Variants in CTNNA3 observed in about 807,000 individuals in gnomAD.
CTNNA3 encodes the protein catenin alpha 3, also known as catenin alpha-3.
In CTNNA3, 76 loss-of-function variants were observed where a neutral mutation model predicts 95.7. The observed-to-expected ratio is 0.79, with a 90% CI of 0.66 to 0.96. CTNNA3 has a LOEUF of 0.96. Among genes scored for constraint, CTNNA3 ranks in the 40% least tolerant of loss-of-function variants. The pLI, the probability that CTNNA3 is intolerant of heterozygous loss-of-function variation, is 0.00. For missense variants in CTNNA3, 1,191 were observed against 1,089.8 expected (o/e 1.09, Z -1.31); for synonymous variants, 431 against 374.4 (o/e 1.15, Z -1.74).
chr10:66,708,724 G>T (rs1848198752), intron 9 of CTNNA3, among the ~76,000 whole-genome samples: 1 of 151,996 alleles, frequency 6.6e-6, no homozygotes, highest in African/African-American at 2.4e-5. Context: ...AGCCAAAAGA[G>T]ACCTCAAAGT....
intron 1 of CTNNA3, among the ~76,000 whole-genome samples, chr10:67,666,319 G>A (rs1185624959): frequency 6.6e-6 from 1 of 152,070 alleles, no homozygotes; most frequent in Non-Finnish European, 1.5e-5. Flanking sequence ...TTGTTATTGA[G>A]GATAGGGGCC....
intron 1 of CTNNA3, among the ~76,000 whole-genome samples, chr10:67,701,866 G>T (rs1325241776): frequency 6.6e-6 from 1 of 152,058 alleles, no homozygotes; most frequent in African/African-American, 2.4e-5. Flanking sequence ...TCAGTGTGCT[G>T]TATTCAGGAA....
intron 5 of CTNNA3, among the ~76,000 whole-genome samples, chr10:67,335,077 T>C (rs535380967): frequency 8.5e-5 from 13 of 152,198 alleles, no homozygotes; most frequent in South Asian, 8.3e-4. Flanking sequence ...AAAAATCTAC[T>C]GCCAGCCAGA....
chr10:67,064,782 A>T (rs1210096539), intron 7 of CTNNA3, among the ~76,000 whole-genome samples: 1 of 152,132 alleles, frequency 6.6e-6, no homozygotes, highest in African/African-American at 2.4e-5. Context: ...AGTAATTTCA[A>T]TCTCACTTTT....
chr10:66,438,256 C>T (rs1357576518), intron 11 of CTNNA3, among the ~76,000 whole-genome samples: 2 of 152,202 alleles, frequency 1.3e-5, no homozygotes, highest in African/African-American at 4.8e-5. Context: ...GTCTTCAGAG[C>T]CAGTAGACAG....
intron 9 of CTNNA3, among the ~76,000 whole-genome samples, chr10:66,753,155 A>G (rs1447586519): frequency 2.0e-5 from 3 of 152,104 alleles, no homozygotes; most frequent in Non-Finnish European, 4.4e-5. Flanking sequence ...AGATCTACCT[A>G]TCTTGCAGCT....
At chr10:67,525,481 A>G (rs531237241) in intron 4 of CTNNA3, among the ~76,000 whole-genome samples, 1 of 152,316 alleles carries the variant, frequency 6.6e-6, no homozygotes, top group South Asian at 2.1e-4. Flanking sequence ...GAAAATGTCT[A>G]CTTTGTCTCA....
At chr10:67,366,138 T>C (rs1425494355) in intron 5 of CTNNA3, among the ~76,000 whole-genome samples, 2 of 151,970 alleles carry the variant, frequency 1.3e-5, no homozygotes, top group East Asian at 1.9e-4. Flanking sequence ...TTCTCACTCA[T>C]AGATGGGTGT....
At chr10:66,025,265 G>GAT (rs1385947749) in intron 15 of CTNNA3, among the ~76,000 whole-genome samples, 1 of 152,174 alleles carries the variant, frequency 6.6e-6, no homozygotes, top group Non-Finnish European at 1.5e-5. Context: ...ATACAGCCCA[G>GAT]TTAACTTGGC....
At chr10:67,663,280 C>G (rs924310053) in intron 1 of CTNNA3, among the ~76,000 whole-genome samples, 5 of 151,650 alleles carry the variant, frequency 3.3e-5, no homozygotes, top group Non-Finnish European at 7.4e-5. Context: ...AAAACAAGAG[C>G]TTTCAGTATT....
chr10:67,545,508 A>T (rs1840820867), intron 3 of CTNNA3, among the ~76,000 whole-genome samples: 1 of 152,096 alleles, frequency 6.6e-6, no homozygotes, highest in Admixed American at 6.6e-5. Flanking sequence ...AAAAATATCT[A>T]TTAATTCTTT....
rs533288292 is a variant in CTNNA3 at position 66,587,075 on chromosome 10, G to C, written c.1374+34617C>G. ...ACCAGGTGCCAGCATTACCTCTGATGGGGGTGGGTGGGGAGTGACACAGAC... is the reference window on the plus strand; with the variant it reads ...ACCAGGTGCCAGCATTACCTCTGATCGGGGTGGGTGGGGAGTGACACAGAC... On this transcript the variant is annotated intron_variant, in intron 10 of 17. Transcript: ENST00000433211. 3.9e-5 allele frequency among the ~76,000 whole-genome samples: 6 copies of C among 152,210 alleles called. No individual in the cohort carries two copies. In the South Asian group the frequency reaches 1.0e-3, roughly 26 times the overall value.
chr10:66,887,213 C>A (rs554101786), intron 7 of CTNNA3, among the ~76,000 whole-genome samples: 65 of 152,214 alleles, frequency 4.3e-4, no homozygotes, highest in Admixed American at 1.2e-3. Flanking sequence ...CAGATAAAGA[C>A]TAACAATTAG....
At chr10:67,384,234 C>T (rs1233711551) in intron 5 of CTNNA3, among the ~76,000 whole-genome samples, 1 of 152,090 alleles carries the variant, frequency 6.6e-6, no homozygotes, top group Admixed American at 6.6e-5. Context: ...ACTGTGGTGG[C>T]TGCAAATTTG....
chr10:67,458,606 C>T lies in CTNNA3; in HGVS notation c.579+63236G>A, dbSNP rs148716573. ...CTTCTAGAAGAGGACAGGCCAGGCA[C>T]GATGGTTCATGCCTGTAATCCCAGC... On this transcript the variant is annotated intron_variant, in intron 5 of 17. Transcript: ENST00000433211. 3.8e-3 allele frequency among the ~76,000 whole-genome samples: 572 copies of T among 152,092 alleles called. 1 individual carries two copies. Among genetic ancestry groups the T allele is most frequent in the Non-Finnish European group, 6.4e-3 (432 of 67,954 alleles).
At chr10:66,607,362 C>T (rs555064080) in intron 10 of CTNNA3, among the ~76,000 whole-genome samples, 46 of 149,074 alleles carry the variant, frequency 3.1e-4, no homozygotes, top group Non-Finnish European at 6.4e-4. Context: ...CAAAGAAGAG[C>T]TGGTATCATT....
intron 13 of CTNNA3, among the ~76,000 whole-genome samples, chr10:66,114,040 C>T (rs968998194): frequency 6.6e-6 from 1 of 152,278 alleles, no homozygotes; most frequent in South Asian, 2.1e-4. Context: ...GCTAGAAACA[C>T]ACCCTGACCT....
At chr10:67,725,086 C>T (rs936237145) in intron 1 of CTNNA3, among the ~76,000 whole-genome samples, 4 of 151,982 alleles carry the variant, frequency 2.6e-5, no homozygotes, top group Admixed American at 6.6e-5. Flanking sequence ...TCAGGGTATA[C>T]ACTATTTGAT....
At chr10:66,518,326 C>T (rs535593067) in intron 11 of CTNNA3, among the ~76,000 whole-genome samples, 1 of 152,174 alleles carries the variant, frequency 6.6e-6, no homozygotes, top group African/African-American at 2.4e-5. Flanking sequence ...TTATGGTTCC[C>T]CTTGTTGCAT....
Sources: gnomAD v4.1 joint callset for allele counts (sites outside exome capture counted in the v4.1 genomes callset) on GRCh38, gnomAD v4.1.1 for gene constraint, MANE v1.5 for transcripts, NCBI Gene and HGNC (gene_info 2026-07-23, HGNC 2026-07-21) for gene names.